The following ADCY8 variants were observed in gnomAD, a reference collection of about 807,000 sequenced individuals.
The protein encoded by ADCY8 is adenylate cyclase type 8.
A neutral mutation model predicts 119.7 loss-of-function variants in ADCY8; 51 were observed. That is an observed-to-expected ratio of 0.43 (90% confidence interval 0.34 to 0.54). ADCY8 has a LOEUF of 0.54. Among genes scored for constraint, ADCY8 ranks in the 20% least tolerant of loss-of-function variants. The pLI, the probability that ADCY8 is intolerant of heterozygous loss-of-function variation, is 0.03. For missense variants in ADCY8, 1,383 were observed against 1,598.8 expected, an observed-to-expected ratio of 0.87 and a Z score of 2.30; for synonymous variants, 665 against 651.0, an observed-to-expected ratio of 1.02 and a Z score of -0.33.
At chr8:131,026,165 G>C (rs1021320146) in intron 1 of ADCY8, among the ~76,000 whole-genome samples, 4 of 152,198 alleles carry the variant, frequency 2.6e-5, no homozygotes, top group African/African-American at 9.6e-5. Flanking sequence ...ATGGAATTAA[G>C]AGGTGGGAGG....
chr8:130,942,807 C>T (rs1318179350), intron 4 of ADCY8, among the ~76,000 whole-genome samples: 1 of 152,170 alleles, frequency 6.6e-6, no homozygotes, highest in Non-Finnish European at 1.5e-5. Flanking sequence ...AGCAAATGTC[C>T]ATCTCCTTTA....
At position 131,038,269 on chromosome 8, in the gene ADCY8, G is replaced by A. The variant is rs114422529; in HGVS notation, c.960+1105C>T. On this transcript the variant is annotated intron_variant, in intron 1 of 17. Transcript: ENST00000286355. ...CGACCATAAGGAAGAGGAGTTTTAA[G>A]CTTCTAATACAGCAAAAATGATACA... Among the ~76,000 whole-genome samples, 1,159 of 152,294 alleles carry A rather than the reference G, an allele frequency of 7.6e-3. 8 individuals carry two copies. The highest frequency in any genetic ancestry group is 0.027 in the African/African-American group (1,119 of 41,542).
intron 1 of ADCY8, among the ~76,000 whole-genome samples, chr8:131,008,703 T>G (rs1348117125): frequency 6.6e-6 from 1 of 151,732 alleles, no homozygotes; most frequent in South Asian, 2.1e-4. Flanking sequence ...CAGGCAGAGG[T>G]TGGAAAAGTT....
In ADCY8 at chr8:130,836,145, C is replaced by A. The variant is rs529939494; in HGVS notation, c.2675+132G>T. ...GCTTGGACTTGTAAACTACAGAATG[C>A]CTGATTTGAGATATAAGTCAATATC... On this transcript the variant is annotated intron_variant, in intron 12 of 17. Coordinates refer to ENST00000286355, the MANE Select transcript of ADCY8 (RefSeq NM_001115.3). The A allele has an allele frequency of 3.5e-4, 354 of 1,018,366 alleles. 3 individuals carry two copies. The South Asian group carries it at 6.0e-3, about 17-fold the overall frequency. The allele number at this position is 1,018,366 out of a possible 1,614,324, so 63.1% of individuals were successfully genotyped here.
In ADCY8 at chr8:130,839,705, T is replaced by C. The variant is rs2130273080; in HGVS notation, c.2503-3256A>G. Reference sequence around the variant, plus strand: ...TTTGTGTTATATTACTCCAGGAACTTAGAAGGCCCACAGCTCCTAAAGTGT... The same window carrying C: ...TTTGTGTTATATTACTCCAGGAACTCAGAAGGCCCACAGCTCCTAAAGTGT... On this transcript the variant is annotated intron_variant, in intron 11 of 17. Coordinates refer to ENST00000286355, the MANE Select transcript of ADCY8 (RefSeq NM_001115.3). Among the ~76,000 whole-genome samples, 2 of 140,444 alleles carry C rather than the reference T, an allele frequency of 1.4e-5. 1 individual carries two copies. The highest frequency in any genetic ancestry group is 3.2e-5 in the Non-Finnish European group (2 of 62,008). 92.1% of individuals were successfully genotyped at this position (140,444 alleles called of 152,430 possible).
chr8:130,963,629 A>G (rs1821674260), intron 2 of ADCY8, among the ~76,000 whole-genome samples: 1 of 152,138 alleles, frequency 6.6e-6, no homozygotes, highest in Admixed American at 6.5e-5. Context: ...AGGGGGAGAG[A>G]TGATAGTCAT....
At chr8:130,846,025 A>G (rs72712469) in intron 11 of ADCY8, among the ~76,000 whole-genome samples, 5,041 of 152,220 alleles carry the variant, frequency 0.033, 114 homozygotes, top group South Asian at 0.082. Flanking sequence ...GATGTTATGC[A>G]TATCAAGCAG....
chr8:131,011,714 C>A (rs1045473360), intron 1 of ADCY8, among the ~76,000 whole-genome samples: 1 of 152,016 alleles, frequency 6.6e-6, no homozygotes, highest in East Asian at 1.9e-4. Context: ...GGTGTTGTGT[C>A]GGACAAAGGG....
At chr8:130,816,583 G>A (rs1402299551) in intron 13 of ADCY8, among the ~76,000 whole-genome samples, 2 of 151,718 alleles carry the variant, frequency 1.3e-5, no homozygotes, top group Non-Finnish European at 2.9e-5. Flanking sequence ...CTGCCACCAC[G>A]CCCAGCTAAT....
At position 130,847,466 on chromosome 8, in the gene ADCY8, G is replaced by A. The variant is rs1161370402; in HGVS notation, c.2460C>T (p.Phe820=). Residue 820 remains phenylalanine (F), a synonymous_variant, in exon 11 of 18, where the codon TTC becomes TTT. Coordinates refer to ENST00000286355, the MANE Select transcript of ADCY8 (RefSeq NM_001115.3). Reference sequence around the variant, plus strand: ...TATCTGTAAACACAGCTGAGGAATTGAAAGTCAGGTTCTTCAAGGGTATCG... The same window carrying A: ...TATCTGTAAACACAGCTGAGGAATTAAAAGTCAGGTTCTTCAAGGGTATCG... The part of the protein sequence containing the change: ...DKSIPLKNLT[F]NSSAVFTDIC... 1.2e-6 allele frequency: 2 copies of A among 1,611,148 alleles called. No individual in the cohort carries two copies. Among genetic ancestry groups the A allele is most frequent in the African/African-American group, 2.7e-5 (2 of 74,032 alleles).
intron 1 of ADCY8, among the ~76,000 whole-genome samples, chr8:130,994,427 T>A (rs1822701602): frequency 6.6e-6 from 1 of 152,246 alleles, no homozygotes; most frequent in Non-Finnish European, 1.5e-5. Flanking sequence ...TTTAGCAGAA[T>A]TCATGTTGCT....
rs267601776 is a variant in ADCY8 at position 131,039,563 on chromosome 8, G to A, written c.771C>T (p.Ile257=). The A allele has an allele frequency of 6.2e-7, 1 of 1,613,818 alleles. No homozygotes were observed. The change falls in exon 1 of 18, where the codon ATC becomes ATT. Residue 257 remains isoleucine, a synonymous_variant. Coordinates refer to ENST00000286355, the MANE Select transcript of ADCY8 (RefSeq NM_001115.3). ...GCCCGTAGCCGAGGCCTGCTGCCAG[G>A]ATCTGGGTGGTCATGGCCACCCAGG... ...VVTWVAMTTQ[I]LAAGLGYGLL... is the part of the protein sequence containing the mutation.
chr8:130,907,016 G>C (rs566725917), intron 6 of ADCY8, among the ~76,000 whole-genome samples: 2 of 151,864 alleles, frequency 1.3e-5, no homozygotes, highest in African/African-American at 2.4e-5. Flanking sequence ...TACTTTCAGC[G>C]TCTCTCTACC....
chr8:130,821,459 C>T (rs769988069), intron 12 of ADCY8, 39 bp from the exon 13 acceptor site: 3 of 1,511,332 alleles, frequency 2.0e-6, no homozygotes, highest in East Asian at 2.3e-5. Flanking sequence ...CATGGGGGGA[C>T]TTCAAGGAGA....
chr8:130,895,075 C>A (rs564769457), intron 7 of ADCY8, among the ~76,000 whole-genome samples: 1 of 152,128 alleles, frequency 6.6e-6, no homozygotes, highest in Admixed American at 6.5e-5. Context: ...ATAAATCCCA[C>A]TTCTTTGTTT....
chr8:130,847,918 A>G (rs889366586), intron 10 of ADCY8, among the ~76,000 whole-genome samples: 2 of 152,086 alleles, frequency 1.3e-5, no homozygotes, highest in Non-Finnish European at 2.9e-5. Flanking sequence ...GAAGGGGTAC[A>G]TTTTCCAGAA....
chr8:130,955,604 TA>T lies in ADCY8; in HGVS notation c.1111-3607del, dbSNP rs546763907. 7.2e-3 allele frequency among the ~76,000 whole-genome samples: 1,091 copies of T among 152,302 alleles called. 17 individuals carry two copies. Among genetic ancestry groups the T allele is most frequent in the African/African-American group, 0.024 (1,011 of 41,560 alleles). On this transcript the variant is annotated intron_variant, in intron 2 of 17. Transcript: ENST00000286355. ...TAAAAATAAAACAGAATAGTACAGT[TA>T]AAATAAATCAATGGAAATATGTCAA...
chr8:130,992,673 C>T (rs1176575108), intron 1 of ADCY8, among the ~76,000 whole-genome samples: 1 of 151,312 alleles, frequency 6.6e-6, no homozygotes, highest in African/African-American at 2.4e-5. Context: ...CCTGGGCCTC[C>T]CAAAGTGCTG....
Position 131,039,759 on chromosome 8 carries a change from G to A in ADCY8, c.575C>T (p.Thr192Ile). 6.2e-7 allele frequency: 1 copy of A among 1,614,158 alleles called. No homozygotes were observed. The highest frequency in any genetic ancestry group is 8.5e-7 in the Non-Finnish European group (1 of 1,180,038). ...GTGTAGGACCAAGAGAGTGAGTTTG[G>A]TCAGCACGTCCAGCACGTTCATCAC... The part of the protein sequence containing the change: ...EVVMNVLDVL[T>I]KLTLLVLHLS... The change falls in exon 1 of 18, where the codon ACC (threonine) becomes ATC (isoleucine). Residue 192 changes from threonine to isoleucine, a missense_variant. Around this residue, in one of 2 missense-constraint regions of ADCY8, gnomAD observed 455 missense variants for 435.3 expected, o/e 1.05. Coordinates refer to ENST00000286355, the MANE Select transcript of ADCY8 (RefSeq NM_001115.3).
Sources: allele counts gnomAD v4.1 joint callset (sites outside exome capture counted in the v4.1 genomes callset), GRCh38; gene constraint gnomAD v4.1.1; regional missense constraint gnomAD v4.1.1; transcripts MANE v1.5; gene names NCBI Gene and HGNC (gene_info 2026-07-23, HGNC 2026-07-21).